The following HS2ST1 variants were observed in gnomAD, a reference collection of about 807,000 sequenced individuals.
The protein encoded by HS2ST1 is heparan sulfate 2-O-sulfotransferase 1.
A neutral mutation model predicts 42.9 loss-of-function variants in HS2ST1; 18 were observed. The observed-to-expected ratio is 0.42, with a 90% CI of 0.29 to 0.62. HS2ST1 has a LOEUF of 0.62. HS2ST1 is among the 20% of genes least tolerant of loss of function. The pLI, the probability that HS2ST1 is intolerant of heterozygous loss-of-function variation, is 0.21. For synonymous variants in HS2ST1, 146 were observed against 152.9 expected (o/e 0.95, Z 0.33); for missense variants, 334 against 433.8 (o/e 0.77, Z 2.04).
intron 1 of HS2ST1, among the ~76,000 whole-genome samples, chr1:87,054,964 A>G (rs1036336867): frequency 6.6e-6 from 1 of 152,212 alleles, no homozygotes; most frequent in Non-Finnish European, 1.5e-5. Context: ...CCTTTATATT[A>G]CAAAGCCCTT....
At chr1:86,998,293 C>T (rs2100566664) in intron 1 of HS2ST1, among the ~76,000 whole-genome samples, 1 of 152,290 alleles carries the variant, frequency 6.6e-6, no homozygotes, top group South Asian at 2.1e-4. Context: ...TCAACATCCA[C>T]AGGAACATAC....
Position 86,957,616 on chromosome 1 carries a change from A to G in HS2ST1, c.124+42456A>G, listed in dbSNP as rs141102020. Among the ~76,000 whole-genome samples the G allele has an allele frequency of 1.4e-4, 22 of 152,272 alleles. No homozygotes were observed. In the East Asian group the frequency reaches 4.2e-3, roughly 29 times the overall value. On this transcript the variant is annotated intron_variant, in intron 1 of 6. Transcript: ENST00000370550. ...AAATATACTTGGATTGAAAGACCAGATCTTTTATTTATTCATAGCTACATG... is the reference window on the plus strand; with the variant it reads ...AAATATACTTGGATTGAAAGACCAGGTCTTTTATTTATTCATAGCTACATG...
chr1:87,006,830 A>G (rs1431708910), intron 1 of HS2ST1, among the ~76,000 whole-genome samples: 4 of 152,104 alleles, frequency 2.6e-5, no homozygotes, highest in Admixed American at 2.6e-4. Context: ...TATTAGCAAT[A>G]ATTTTTGTTC....
chr1:87,014,466 C>A (rs1428220858), intron 1 of HS2ST1, among the ~76,000 whole-genome samples: 1 of 152,194 alleles, frequency 6.6e-6, no homozygotes, highest in African/African-American at 2.4e-5. Flanking sequence ...ATTATGGGAG[C>A]TGCAATTTGA....
chr1:87,008,861 C>T (rs1374070555), intron 1 of HS2ST1, among the ~76,000 whole-genome samples: 1 of 152,034 alleles, frequency 6.6e-6, no homozygotes, highest in South Asian at 2.1e-4. Context: ...TTTATTTATT[C>T]GAGACAGGGT....
intron 1 of HS2ST1, among the ~76,000 whole-genome samples, chr1:86,916,955 A>G (rs910663249): frequency 1.3e-5 from 2 of 152,192 alleles, no homozygotes; most frequent in African/African-American, 2.4e-5. Context: ...GCTTCCATAG[A>G]CACAATCTGA....
chr1:86,993,508 G>C (rs1441111372), intron 1 of HS2ST1, among the ~76,000 whole-genome samples: 1 of 152,120 alleles, frequency 6.6e-6, no homozygotes, highest in Admixed American at 6.5e-5. Flanking sequence ...TTATCAGTAA[G>C]ATACATGTTT....
At chr1:87,016,933 T>C (rs1342985699) in intron 1 of HS2ST1, among the ~76,000 whole-genome samples, 2 of 152,066 alleles carry the variant, frequency 1.3e-5, no homozygotes, top group Non-Finnish European at 2.9e-5. Context: ...GGAACTTGGT[T>C]GTTACATATG....
chr1:86,999,840 C>T (rs547180840), intron 1 of HS2ST1, among the ~76,000 whole-genome samples: 3 of 152,228 alleles, frequency 2.0e-5, no homozygotes, highest in South Asian at 2.1e-4. Context: ...ATGGAATTCA[C>T]GTCATTAACC....
chr1:86,967,718 G>T (rs1454358305), intron 1 of HS2ST1, among the ~76,000 whole-genome samples: 2 of 152,138 alleles, frequency 1.3e-5, no homozygotes, highest in African/African-American at 2.4e-5. Flanking sequence ...ACTTAGGTTG[G>T]TTCCATACCT....
At chr1:86,996,614 T>A (rs1317694614) in intron 1 of HS2ST1, among the ~76,000 whole-genome samples, 2 of 152,048 alleles carry the variant, frequency 1.3e-5, no homozygotes, top group African/African-American at 4.8e-5. Flanking sequence ...TAGACCTCAG[T>A]GAACCCCTAC....
chr1:86,994,024 T>C (rs1046508597), intron 1 of HS2ST1, among the ~76,000 whole-genome samples: 1 of 152,180 alleles, frequency 6.6e-6, no homozygotes, highest in Non-Finnish European at 1.5e-5. Flanking sequence ...CCCAGTATTT[T>C]AGAGAGGAAA....
At chr1:86,973,100 A>G (rs1648284565) in intron 1 of HS2ST1, among the ~76,000 whole-genome samples, 1 of 152,162 alleles carries the variant, frequency 6.6e-6, no homozygotes, top group Non-Finnish European at 1.5e-5. Flanking sequence ...TCTCCACTGT[A>G]AAGCTATCTT....
At chr1:87,042,516 A>G (rs927932072) in intron 1 of HS2ST1, among the ~76,000 whole-genome samples, 1 of 152,194 alleles carries the variant, frequency 6.6e-6, no homozygotes, top group African/African-American at 2.4e-5. Context: ...TATTTTAAAA[A>G]TAAAAATGAA....
intron 3 of HS2ST1, among the ~76,000 whole-genome samples, chr1:87,090,626 A>G (rs1028439574): frequency 2.0e-5 from 3 of 151,988 alleles, no homozygotes; most frequent in Non-Finnish European, 2.9e-5. Flanking sequence ...AACAGCAGCC[A>G]ATGACCTTTT....
At chr1:86,916,507 C>T (rs2102147893) in intron 1 of HS2ST1, among the ~76,000 whole-genome samples, 1 of 152,294 alleles carries the variant, frequency 6.6e-6, no homozygotes, top group Non-Finnish European at 1.5e-5. Context: ...GAAAAACCAT[C>T]AAGTAAATCT....
intron 1 of HS2ST1, among the ~76,000 whole-genome samples, chr1:87,015,336 G>A (rs1168066032): frequency 2.1e-5 from 3 of 143,314 alleles, no homozygotes; most frequent in Non-Finnish European, 3.0e-5. Context: ...GTGAACCAAC[G>A]TGCCTGGCCC....
intron 1 of HS2ST1, among the ~76,000 whole-genome samples, chr1:86,951,420 T>G (rs1647511284): frequency 6.6e-6 from 1 of 152,250 alleles, no homozygotes; most frequent in African/African-American, 2.4e-5. Context: ...ACACGAATAT[T>G]TTGACTTCTC....
intron 1 of HS2ST1, among the ~76,000 whole-genome samples, chr1:86,959,433 G>A (rs749018698): frequency 1.1e-4 from 16 of 152,140 alleles, no homozygotes; most frequent in Non-Finnish European, 2.2e-4. Flanking sequence ...AGAGGTGGGC[G>A]GATTGCCTGA....
Sources: gnomAD v4.1 joint callset for allele counts (sites outside exome capture counted in the v4.1 genomes callset) on GRCh38, gnomAD v4.1.1 for gene constraint, MANE v1.5 for transcripts, NCBI Gene and HGNC (gene_info 2026-07-23, HGNC 2026-07-21) for gene names.